SAV1: variants seen among roughly 807,000 people sequenced by gnomAD.
SAV1 encodes salvador family WW domain containing protein 1.
In SAV1, 23 loss-of-function variants were observed where a neutral mutation model predicts 47.3. The observed-to-expected ratio is 0.49, with a 90% CI of 0.35 to 0.69. The LOEUF is 0.69. SAV1 is among the 30% of genes least tolerant of loss of function. The probability of loss-of-function intolerance (pLI) is 0.01; values close to 1 mark genes in which losing one functional copy is unlikely to be tolerated. For missense variants in SAV1, 448 were observed against 457.4 expected, an observed-to-expected ratio of 0.98 and a Z score of 0.19; for synonymous variants, 155 against 159.2, an observed-to-expected ratio of 0.97 and a Z score of 0.20.
intron 2 of SAV1, among the ~76,000 whole-genome samples, chr14:50,660,597 G>A (rs1341216205): frequency 6.6e-6 from 1 of 151,822 alleles, no homozygotes; most frequent in Non-Finnish European, 1.5e-5. Flanking sequence ...ATCACCGTGA[G>A]TATTTATCAT....
intron 2 of SAV1, among the ~76,000 whole-genome samples, chr14:50,660,366 C>T (rs530987764): frequency 2.0e-5 from 3 of 152,214 alleles, no homozygotes; most frequent in Non-Finnish European, 4.4e-5. Context: ...ATCCTCCTTA[C>T]TCAGCTGCCT....
chr14:50,648,902 T>C (rs188721996), intron 2 of SAV1, among the ~76,000 whole-genome samples: 1 of 152,362 alleles, frequency 6.6e-6, no homozygotes, highest in East Asian at 1.9e-4. Flanking sequence ...AGTAAGTTTT[T>C]TCCTTGATAT....
chr14:50,634,666 G>C lies in SAV1; in HGVS notation c.*517C>G, dbSNP rs2039618029. 6.3e-6 allele frequency: 1 copy of C among 157,650 alleles called. No individual in the cohort carries two copies. Among genetic ancestry groups the C allele is most frequent in the Non-Finnish European group, 1.4e-5 (1 of 71,950 alleles). 9.8% of individuals were successfully genotyped at this position (157,650 alleles called of 1,614,324 possible). On this transcript the variant is annotated 3_prime_UTR_variant, in exon 5 of 5. Transcript: ENST00000324679. Reference sequence around the variant, plus strand: ...ACGCCCAGCTGGGTTCCTTACTTTGGAGAGGGGAGACAAACATACATCATA... The same window carrying C: ...ACGCCCAGCTGGGTTCCTTACTTTGCAGAGGGGAGACAAACATACATCATA...
At chr14:50,649,066 C>T (rs751323427) in intron 2 of SAV1, among the ~76,000 whole-genome samples, 1 of 152,154 alleles carries the variant, frequency 6.6e-6, no homozygotes, top group African/African-American at 2.4e-5. Flanking sequence ...TCCAGCTACA[C>T]TCACCTCCTG....
At chr14:50,646,783 G>C (rs1291352126) in intron 2 of SAV1, among the ~76,000 whole-genome samples, 1 of 151,586 alleles carries the variant, frequency 6.6e-6, no homozygotes, top group African/African-American at 2.4e-5. Context: ...AAGAGAACTA[G>C]AGTAGCCAAA....
intron 1 of SAV1, 49 bp downstream of exon 1, chr14:50,667,825 G>A (rs1481192475): frequency 6.5e-7 from 1 of 1,527,162 alleles, no homozygotes; most frequent in South Asian, 1.1e-5. Flanking sequence ...GGTCCCCGGA[G>A]CACCTGGCCG....
At position 50,665,356 on chromosome 14, in the gene SAV1, C is replaced by T. The variant is rs1248697315; in HGVS notation, c.358G>A (p.Val120Ile). ...YGSSQSFVTE[V>I]SFAVENGDSG... Reference sequence around the variant, plus strand: ...TCTCCATTTTCAACAGCAAAACTAACTTCCGTTACAAATGACTGAGAAGAA... The same window carrying T: ...TCTCCATTTTCAACAGCAAAACTAATTTCCGTTACAAATGACTGAGAAGAA... Residue 120 changes from valine (V) to isoleucine (I), a missense_variant, in exon 2 of 5, where the codon GTT (valine) becomes ATT (isoleucine). Coordinates refer to ENST00000324679, the MANE Select transcript of SAV1 (RefSeq NM_021818.4). The T allele has an allele frequency of 6.8e-6, 11 of 1,612,962 alleles. No homozygotes were observed. The highest frequency in any genetic ancestry group is 1.7e-5 in the Admixed American group (1 of 59,908).
intron 2 of SAV1, among the ~76,000 whole-genome samples, chr14:50,657,079 G>A (rs1321000411): frequency 3.3e-5 from 5 of 150,208 alleles, no homozygotes; most frequent in Non-Finnish European, 7.4e-5. Context: ...CATGCTGGAG[G>A]GCAGTGGCAC....
At chr14:50,639,167 A>G (rs2039661217) in intron 4 of SAV1, among the ~76,000 whole-genome samples, 1 of 152,240 alleles carries the variant, frequency 6.6e-6, no homozygotes, top group African/African-American at 2.4e-5. Flanking sequence ...TACAAAAATT[A>G]AATACAAATT....
chr14:50,654,745 C>T (rs1595646599), intron 2 of SAV1, among the ~76,000 whole-genome samples: 1 of 152,040 alleles, frequency 6.6e-6, no homozygotes, highest in South Asian at 2.1e-4. Flanking sequence ...TTAATGGCTG[C>T]CAAAAACCAA....
At chr14:50,640,954 T>A in intron 3 of SAV1, 61 bp from the exon 4 acceptor site, 1 of 1,474,270 alleles carries the variant, frequency 6.8e-7, no homozygotes, top group Non-Finnish European at 9.2e-7. Context: ...CAAGAAATTA[T>A]AAAGAACAAA....
rs1477113610 is a variant in SAV1 at position 50,667,633 on chromosome 14, C to G, written c.94+241G>C. Reference sequence around the variant, plus strand: ...ACTCTGCCTGGTGGGGCGAGGAAGTCTGTTATTTTTAGGGGGTGCTCTTGG... The same window carrying G: ...ACTCTGCCTGGTGGGGCGAGGAAGTGTGTTATTTTTAGGGGGTGCTCTTGG... On this transcript the variant is annotated intron_variant, in intron 1 of 4. Transcript: ENST00000324679. 9.4e-6 allele frequency: 4 copies of G among 425,482 alleles called. 1 individual carries two copies. The highest frequency in any genetic ancestry group is 4.0e-6 in the Non-Finnish European group (1 of 248,616). 26.4% of individuals were successfully genotyped at this position (425,482 alleles called of 1,614,324 possible). A position where few individuals can be genotyped will look rare whatever the true frequency, so the allele number is the denominator to read the frequency against.
chr14:50,667,320 C>G (rs45479904), intron 1 of SAV1: 77,339 of 409,102 alleles, frequency 0.19, 8,107 homozygotes, highest in African/African-American at 0.3. Context: ...GCTCTCTGCT[C>G]TGCTGTGTAA....
intron 2 of SAV1, among the ~76,000 whole-genome samples, chr14:50,651,363 T>C (rs750854938): frequency 1.1e-4 from 17 of 152,042 alleles, no homozygotes; most frequent in Admixed American, 2.6e-4. Flanking sequence ...ATTAATAAAA[T>C]TGGGTATTTA....
chr14:50,656,246 A>G (rs1442379319), intron 2 of SAV1, among the ~76,000 whole-genome samples: 1 of 152,306 alleles, frequency 6.6e-6, no homozygotes, highest in East Asian at 1.9e-4. Flanking sequence ...AAGGAAGCAC[A>G]AAGACCTCTC....
intron 4 of SAV1, among the ~76,000 whole-genome samples, chr14:50,639,123 T>C (rs1040836295): frequency 2.0e-5 from 3 of 152,234 alleles, no homozygotes; most frequent in Admixed American, 6.5e-5. Flanking sequence ...CCAAGCATTA[T>C]AGACTTTTGT....
rs951656207 is a variant in SAV1, at chr14:50,636,691, A to C, written c.951-1307T>G. ...TAAAGATGAAAAACACTAAAACCTA[A>C]AGAGGCTCTTTACCTCTTGCAAAAG... On this transcript the variant is annotated intron_variant, in intron 4 of 4. Coordinates refer to ENST00000324679, the MANE Select transcript of SAV1 (RefSeq NM_021818.4). Among the ~76,000 whole-genome samples, 3 of 152,190 alleles carry C rather than the reference A, an allele frequency of 2.0e-5. No homozygotes were observed. In the East Asian group the frequency reaches 5.8e-4, roughly 29 times the overall value.
At position 50,633,914 on chromosome 14, in the gene SAV1, A is replaced by G. The variant is rs2039608960; in HGVS notation, c.*1269T>C. 5.2e-6 allele frequency: 1 copy of G among 193,196 alleles called. No individual in the cohort carries two copies. Among genetic ancestry groups the G allele is most frequent in the African/African-American group, 2.3e-5 (1 of 43,300 alleles). The allele number at this position is 193,196 out of a possible 1,614,324, so 12.0% of individuals were successfully genotyped here. A position where few individuals can be genotyped will look rare whatever the true frequency, so the allele number is the denominator to read the frequency against. On this transcript the variant is annotated 3_prime_UTR_variant, in exon 5 of 5. Coordinates refer to ENST00000324679, the MANE Select transcript of SAV1 (RefSeq NM_021818.4). ...TGTTTGCAATCAAATGTACAGCACTAATTATGAAAAATGTTTTAACTATTA... is the reference window on the plus strand; with the variant it reads ...TGTTTGCAATCAAATGTACAGCACTGATTATGAAAAATGTTTTAACTATTA...
chr14:50,661,798 C>A (rs1205527389), intron 2 of SAV1, among the ~76,000 whole-genome samples: 1 of 152,120 alleles, frequency 6.6e-6, no homozygotes, highest in Non-Finnish European at 1.5e-5. Context: ...GTCTATGTGT[C>A]TTTCTATACC....
Sources: allele counts gnomAD v4.1 joint callset (sites outside exome capture counted in the v4.1 genomes callset), GRCh38; gene constraint gnomAD v4.1.1; transcripts MANE v1.5; gene names NCBI Gene and HGNC (gene_info 2026-07-23, HGNC 2026-07-21).